The following ROBO1 variants were observed in gnomAD, a reference collection of about 807,000 sequenced individuals.
The protein encoded by ROBO1 is roundabout guidance receptor 1, also known as roundabout homolog 1.
Under a neutral mutation model 195.9 loss-of-function variants are expected in ROBO1, and 149 were observed. The observed-to-expected ratio is 0.76, with a 90% CI of 0.67 to 0.87. ROBO1 has a LOEUF of 0.87. ROBO1 is among the 40% of genes least tolerant of loss of function. The pLI is 0.00. For missense variants in ROBO1, 1,933 were observed against 2,068.3 expected, an observed-to-expected ratio of 0.93 and a Z score of 1.27; for synonymous variants, 816 against 733.2, an observed-to-expected ratio of 1.11 and a Z score of -1.82.
intron 3 of ROBO1, among the ~76,000 whole-genome samples, chr3:78,992,437 C>T (rs1018572955): frequency 1.3e-5 from 2 of 152,140 alleles, no homozygotes; most frequent in African/African-American, 2.4e-5. Context: ...GATCCCTAGT[C>T]ACCACTAGCA....
At chr3:78,951,816 C>T (rs1000033220) in intron 3 of ROBO1, among the ~76,000 whole-genome samples, 10 of 151,956 alleles carry the variant, frequency 6.6e-5, no homozygotes, top group Non-Finnish European at 1.3e-4. Flanking sequence ...CAAAGTCACA[C>T]AAGATTTATG....
chr3:79,760,236 CAAA>C (rs11451206), intron 1 of ROBO1, among the ~76,000 whole-genome samples: 25 of 4,482 alleles, frequency 5.6e-3, no homozygotes, highest in African/African-American at 0.015. Flanking sequence ...GACCCTATCT[CAAA>C]AAAAAAAAAA....
In ROBO1 at chr3:78,799,372, C is replaced by T. The variant is rs932109446; in HGVS notation, c.500-52472G>A. On this transcript the variant is annotated intron_variant, in intron 4 of 30. Coordinates refer to ENST00000464233, the MANE Select transcript of ROBO1 (RefSeq NM_002941.4). ...TTTGTTTTTTTTTGAAACGGAGTCTCGCTCTGTCGCCCAGGCTGGAGTGCA... is the reference window on the plus strand; with the variant it reads ...TTTGTTTTTTTTTGAAACGGAGTCTTGCTCTGTCGCCCAGGCTGGAGTGCA... 7.2e-5 allele frequency among the ~76,000 whole-genome samples: 11 copies of T among 151,802 alleles called. No homozygotes were observed. The East Asian group carries it at 7.8e-4, about 11-fold the overall frequency.
chr3:79,139,904 T>C (rs1463228084), intron 2 of ROBO1, among the ~76,000 whole-genome samples: 1 of 152,166 alleles, frequency 6.6e-6, no homozygotes, highest in African/African-American at 2.4e-5. Context: ...TGAAGTTAGT[T>C]AACAGGTGGT....
In ROBO1 at chr3:78,893,707, T is replaced by A. The variant is rs571390082; in HGVS notation, c.499+44894A>T. Among the ~76,000 whole-genome samples, 15 of 152,322 alleles carry A rather than the reference T, an allele frequency of 9.8e-5. No homozygotes were observed. In the East Asian group the frequency reaches 2.7e-3, roughly 27 times the overall value. ...GTATTACACTTTGTGAATAAACTTC[T>A]ACTTTATAAATAAAAAATGATGGCT... On this transcript the variant is annotated intron_variant, in intron 4 of 30. Coordinates refer to ENST00000464233, the MANE Select transcript of ROBO1 (RefSeq NM_002941.4).
intron 3 of ROBO1, among the ~76,000 whole-genome samples, chr3:79,026,155 A>C (rs1320701365): frequency 1.3e-5 from 2 of 152,134 alleles, no homozygotes; most frequent in Admixed American, 1.3e-4. Context: ...AATAGAATAA[A>C]AATTATAACA....
intron 1 of ROBO1, among the ~76,000 whole-genome samples, chr3:79,619,192 T>G (rs982275204): frequency 3.3e-5 from 5 of 152,158 alleles, no homozygotes; most frequent in African/African-American, 4.8e-5. Flanking sequence ...CCACATTCCC[T>G]TAGTGGCAAG....
chr3:79,654,815 T>A (rs2106775766), intron 1 of ROBO1, among the ~76,000 whole-genome samples: 1 of 152,168 alleles, frequency 6.6e-6, no homozygotes, highest in East Asian at 1.9e-4. Context: ...TTTCTTGGAT[T>A]GACTGTTCTG....
chr3:79,249,783 A>C (rs2082686933), intron 2 of ROBO1, among the ~76,000 whole-genome samples: 1 of 152,210 alleles, frequency 6.6e-6, no homozygotes, highest in Non-Finnish European at 1.5e-5. Context: ...TATTCTAGGC[A>C]CACAGTGTAG....
chr3:79,670,540 T>C (rs1485999925), intron 1 of ROBO1, among the ~76,000 whole-genome samples: 1 of 151,836 alleles, frequency 6.6e-6, no homozygotes, highest in African/African-American at 2.4e-5. Flanking sequence ...GGTTTGACTT[T>C]ATAGACTACA....
intron 4 of ROBO1, among the ~76,000 whole-genome samples, chr3:78,855,687 T>A (rs1436060453): frequency 6.6e-6 from 1 of 152,094 alleles, no homozygotes; most frequent in Non-Finnish European, 1.5e-5. Context: ...GCTGATAAAC[T>A]AGCATTACTT....
intron 1 of ROBO1, among the ~76,000 whole-genome samples, chr3:79,699,333 C>T (rs1201946747): frequency 6.6e-6 from 1 of 151,440 alleles, no homozygotes; most frequent in Non-Finnish European, 1.5e-5. Flanking sequence ...GGAGCGCCCC[C>T]TACATGGCAA....
chr3:78,963,719 G>A (rs981226660), intron 3 of ROBO1, among the ~76,000 whole-genome samples: 13 of 151,676 alleles, frequency 8.6e-5, no homozygotes, highest in African/African-American at 2.7e-4. Context: ...GGGTTTCACC[G>A]TGTTAGCCAG....
intron 17 of ROBO1, 29 bp downstream of exon 17, chr3:78,659,657 A>G: frequency 7.3e-7 from 1 of 1,373,296 alleles, no homozygotes. Flanking sequence ...CCATCAGGAC[A>G]TTAATATATA....
At chr3:79,599,837 AT>A (rs1261501342) in intron 1 of ROBO1, among the ~76,000 whole-genome samples, 2 of 152,064 alleles carry the variant, frequency 1.3e-5, no homozygotes, top group East Asian at 3.9e-4. Context: ...TATTTAAATA[AT>A]AAAGACATTT....
intron 2 of ROBO1, among the ~76,000 whole-genome samples, chr3:79,546,741 A>G: frequency 6.6e-6 from 1 of 152,218 alleles, no homozygotes. Flanking sequence ...CAGTACTTGC[A>G]AACAGGTTAT....
intron 1 of ROBO1, among the ~76,000 whole-genome samples, chr3:79,682,025 A>T (rs984318089): frequency 2.0e-5 from 3 of 152,006 alleles, no homozygotes; most frequent in Admixed American, 1.3e-4. Flanking sequence ...AACATAGAAC[A>T]ATCAAGCAAA....
In ROBO1 at chr3:79,755,429, CA is replaced by C. The variant is rs542515150; in HGVS notation, c.-51+12322del. Among the ~76,000 whole-genome samples, 678 of 151,876 alleles carry C rather than the reference CA, an allele frequency of 4.5e-3. 5 individuals carry two copies. The highest frequency in any genetic ancestry group is 7.0e-3 in the Non-Finnish European group (474 of 67,912). On this transcript the variant is annotated intron_variant, in intron 1 of 30. Transcript: ENST00000464233. ...ACTCTTCTGAAAACAAAAAACAAAA[CA>C]AAAAAACCCTCACAGCTCATGCCCT...
chr3:78,687,813 T>C (rs1322736469), intron 9 of ROBO1, among the ~76,000 whole-genome samples: 2 of 152,082 alleles, frequency 1.3e-5, no homozygotes, highest in Non-Finnish European at 2.9e-5. Context: ...TAATGTTTTC[T>C]AGAGATGAGG....
Sources: gnomAD v4.1 joint callset for allele counts (sites outside exome capture counted in the v4.1 genomes callset) on GRCh38, gnomAD v4.1.1 for gene constraint, MANE v1.5 for transcripts, NCBI Gene and HGNC (gene_info 2026-07-23, HGNC 2026-07-21) for gene names.